The following GPC5 variants were observed in gnomAD, a reference collection of about 807,000 sequenced individuals.
GPC5 encodes glypican-5.
Under a neutral mutation model 53.9 loss-of-function variants are expected in GPC5, and 47 were observed. The ratio of observed to expected loss-of-function variants is 0.87; its 90% CI spans 0.69 to 1.11. GPC5 has a LOEUF of 1.11. Ranked by LOEUF, GPC5 falls within the 50% of genes most tolerant of loss-of-function variation. The pLI is 0.00. For missense variants in GPC5, 748 were observed against 713.1 expected (o/e 1.05, Z -0.56); for synonymous variants, 286 against 263.3 (o/e 1.09, Z -0.84).
At chr13:91,771,683 G>A (rs182650998) in intron 5 of GPC5, among the ~76,000 whole-genome samples, 1 of 152,218 alleles carries the variant, frequency 6.6e-6, no homozygotes, top group Admixed American at 6.5e-5. Flanking sequence ...ATATTTCTAT[G>A]TGCTTCCGTA....
chr13:92,349,311 T>A (rs1051381302), intron 7 of GPC5, among the ~76,000 whole-genome samples: 7 of 152,086 alleles, frequency 4.6e-5, no homozygotes, highest in African/African-American at 1.7e-4. Context: ...AGCTGGCTAA[T>A]GTTTTATATT....
At chr13:92,381,860 T>TATATC (rs1566565189) in intron 7 of GPC5, among the ~76,000 whole-genome samples, 1 of 62,716 alleles carries the variant, frequency 1.6e-5, no homozygotes, top group Non-Finnish European at 3.6e-5. Context: ...CATATATGAT[T>TATATC]ATATATATCA....
intron 7 of GPC5, among the ~76,000 whole-genome samples, chr13:92,298,491 G>C (rs1413581259): frequency 1.3e-5 from 2 of 152,112 alleles, no homozygotes; most frequent in Non-Finnish European, 2.9e-5. Context: ...AAGCCCGCAG[G>C]GATTTTCCCG....
intron 3 of GPC5, among the ~76,000 whole-genome samples, chr13:91,694,889 A>G (rs1237606772): frequency 1.3e-5 from 2 of 152,190 alleles, no homozygotes; most frequent in African/African-American, 4.8e-5. Flanking sequence ...AATTACAGGC[A>G]TGAGCCACCG....
chr13:91,844,559 G>A (rs2038826696), intron 5 of GPC5, among the ~76,000 whole-genome samples: 1 of 152,132 alleles, frequency 6.6e-6, no homozygotes, highest in South Asian at 2.1e-4. Context: ...CTCTGCAGTG[G>A]CCACTGAGTG....
chr13:92,200,470 T>C (rs2042286407), intron 7 of GPC5, among the ~76,000 whole-genome samples: 1 of 152,216 alleles, frequency 6.6e-6, no homozygotes, highest in South Asian at 2.1e-4. Flanking sequence ...AAACAGGTAA[T>C]TATTTGGCTC....
chr13:91,862,987 C>T (rs2039046673), intron 5 of GPC5, among the ~76,000 whole-genome samples: 1 of 151,064 alleles, frequency 6.6e-6, no homozygotes, highest in Non-Finnish European at 1.5e-5. Context: ...TCTCTTTCCC[C>T]TTCCTTTTTC....
At chr13:92,673,083 A>G (rs1886806168) in intron 7 of GPC5, among the ~76,000 whole-genome samples, 1 of 152,086 alleles carries the variant, frequency 6.6e-6, no homozygotes, top group South Asian at 2.1e-4. Flanking sequence ...AAGTAGCTCA[A>G]TAAGTTTTAT....
At chr13:92,663,479 C>T (rs547105364) in intron 7 of GPC5, among the ~76,000 whole-genome samples, 50 of 150,622 alleles carry the variant, frequency 3.3e-4, no homozygotes, top group South Asian at 1.9e-3. Context: ...TGGCTCACGC[C>T]TCTAATCTCA....
At position 92,168,098 on chromosome 13, in the gene GPC5, G is replaced by T. The variant is rs900017331; in HGVS notation, c.1561+23109G>T. On this transcript the variant is annotated intron_variant, in intron 7 of 7. Transcript: ENST00000377067. ...TTTTCTTCTCTCCAATCATGGCCCT[G>T]ATAAAAAGCCACAGAGTCCTAACAC... 2.0e-5 allele frequency among the ~76,000 whole-genome samples: 3 copies of T among 152,058 alleles called. No homozygotes were observed. In the East Asian group the frequency reaches 5.8e-4, roughly 29 times the overall value.
In GPC5 at chr13:91,968,442, T is replaced by A. The variant is rs570683972; in HGVS notation, c.1401+60385T>A. 4.6e-5 allele frequency among the ~76,000 whole-genome samples: 7 copies of A among 152,188 alleles called. No individual in the cohort carries two copies. The South Asian group carries it at 1.5e-3, about 32-fold the overall frequency. On this transcript the variant is annotated intron_variant, in intron 6 of 7. Transcript: ENST00000377067. ...TAATATATGTTTCAAAATGTGATAG[T>A]TTTTAATGATGCTTCTTTTTTTTTC...
chr13:92,805,613 T>A (rs559810604), intron 7 of GPC5, among the ~76,000 whole-genome samples: 1 of 152,040 alleles, frequency 6.6e-6, no homozygotes, highest in South Asian at 2.1e-4. Flanking sequence ...AATTATTATT[T>A]TTTTTGTAGA....
Position 92,298,296 on chromosome 13 carries a change from G to A in GPC5, c.1561+153307G>A, listed in dbSNP as rs772194661. Among the ~76,000 whole-genome samples, 68 of 152,154 alleles carry A rather than the reference G, an allele frequency of 4.5e-4. 1 individual carries two copies. The highest frequency in any genetic ancestry group is 7.9e-4 in the Non-Finnish European group (54 of 68,022). On this transcript the variant is annotated intron_variant, in intron 7 of 7. Transcript: ENST00000377067. The stretch of plus-strand genomic sequence containing the variant: ...GGCTTTCCTCCTTCCCCTGACTGTG[G>A]ATTCTGCACGCCAGATTCATGCCCT...
At chr13:91,665,261 A>G (rs909248466) in intron 2 of GPC5, among the ~76,000 whole-genome samples, 6 of 152,206 alleles carry the variant, frequency 3.9e-5, no homozygotes, top group African/African-American at 1.4e-4. Context: ...CACTTCTCCA[A>G]TTAGGTCATT....
rs144204923 is a variant in GPC5, at chr13:92,376,505, T to C, written c.1561+231516T>C. On this transcript the variant is annotated intron_variant, in intron 7 of 7. Transcript: ENST00000377067. ...TCCAAAAGCATGCCTAGTGTCTGCATAGAGGTTTATTTTCTGGTCTTAGAC... is the reference window on the plus strand; with the variant it reads ...TCCAAAAGCATGCCTAGTGTCTGCACAGAGGTTTATTTTCTGGTCTTAGAC... Among the ~76,000 whole-genome samples the C allele has an allele frequency of 1.6e-3, 238 of 152,298 alleles. 2 individuals carry two copies. The highest frequency in any genetic ancestry group is 2.6e-3 in the Non-Finnish European group (180 of 68,022).
At chr13:91,735,741 TAC>T (rs1332125430) in intron 4 of GPC5, among the ~76,000 whole-genome samples, 3 of 151,158 alleles carry the variant, frequency 2.0e-5, no homozygotes. Flanking sequence ...TGTGCACTGG[TAC>T]AGTTTCCTCC....
chr13:91,745,380 C>A (rs948014033), intron 4 of GPC5, among the ~76,000 whole-genome samples: 1 of 152,010 alleles, frequency 6.6e-6, no homozygotes, highest in Non-Finnish European at 1.5e-5. Flanking sequence ...AATCAAATTA[C>A]AAGAGAGTGC....
intron 7 of GPC5, among the ~76,000 whole-genome samples, chr13:92,147,058 T>A (rs2041872444): frequency 6.6e-6 from 1 of 152,090 alleles, no homozygotes; most frequent in African/African-American, 2.4e-5. Context: ...TACTAAGTCA[T>A]GAAATTGTGT....
At chr13:91,931,323 C>T (rs957610025) in intron 6 of GPC5, among the ~76,000 whole-genome samples, 2 of 151,904 alleles carry the variant, frequency 1.3e-5, no homozygotes, top group African/African-American at 2.4e-5. Context: ...AAAAGCAACT[C>T]GGTAAAAATA....
Sources: allele counts gnomAD v4.1 joint callset (sites outside exome capture counted in the v4.1 genomes callset), GRCh38; gene constraint gnomAD v4.1.1; transcripts MANE v1.5; gene names NCBI Gene and HGNC (gene_info 2026-07-23, HGNC 2026-07-21).